Variants in CBR4 observed in about 807,000 individuals in gnomAD.
CBR4 encodes 3-oxoacyl-[acyl-carrier-protein] reductase.
CBR4 carries 22 observed loss-of-function variants against 21.0 expected under a neutral mutation model. The ratio of observed to expected loss-of-function variants is 1.05; its 90% CI spans 0.75 to 1.50. The LOEUF is 1.50. Ranked by LOEUF, CBR4 falls within the 40% of genes most tolerant of loss-of-function variation. CBR4 has a pLI of 0.00. For missense variants in CBR4, 302 were observed against 286.3 expected (o/e 1.05, Z -0.40); for synonymous variants, 100 against 104.4 (o/e 0.96, Z 0.26).
At chr4:168,966,440 TG>T (rs1764034142) in intron 2 of CBR4, among the ~76,000 whole-genome samples, 1 of 145,420 alleles carries the variant, frequency 6.9e-6, no homozygotes, top group African/African-American at 2.6e-5. Flanking sequence ...GGCAGGAGAA[TG>T]GTGTGAACCC....
intron 2 of CBR4, among the ~76,000 whole-genome samples, chr4:168,902,635 C>T (rs555552138): frequency 6.6e-6 from 1 of 152,018 alleles, no homozygotes; most frequent in Non-Finnish European, 1.5e-5. Context: ...GGCAACGGAG[C>T]GAGACCCTGT....
intron 2 of CBR4, among the ~76,000 whole-genome samples, chr4:168,935,359 C>G (rs1430358301): frequency 6.6e-6 from 1 of 152,184 alleles, no homozygotes; most frequent in African/African-American, 2.4e-5. Flanking sequence ...ACTGAGCTAG[C>G]TGCAGGAGTT....
chr4:168,951,351 T>G (rs1187737283), intron 2 of CBR4, among the ~76,000 whole-genome samples: 1 of 152,222 alleles, frequency 6.6e-6, no homozygotes, highest in Non-Finnish European at 1.5e-5. Context: ...CCACTGCACC[T>G]GGCCAGTTCT....
intron 2 of CBR4, among the ~76,000 whole-genome samples, chr4:168,954,243 T>G (rs898916850): frequency 1.3e-5 from 2 of 152,208 alleles, no homozygotes; most frequent in Admixed American, 6.5e-5. Context: ...CTGAAAGACT[T>G]AAGACAATGA....
intron 2 of CBR4, among the ~76,000 whole-genome samples, chr4:168,899,818 G>A (rs1158946639): frequency 2.0e-5 from 3 of 151,964 alleles, no homozygotes; most frequent in African/African-American, 7.3e-5. Context: ...TTGGGAGGCT[G>A]AGGCAGGAGA....
At chr4:168,926,112 T>C (rs1264748748) in intron 2 of CBR4, 6 of 960,504 alleles carry the variant, frequency 6.2e-6, no homozygotes, top group Non-Finnish European at 7.4e-6. Flanking sequence ...TGTGTTCAGG[T>C]GCCTTGCATC....
chr4:169,010,219 T>G lies in CBR4; in HGVS notation c.-130A>C. ...AAAAAAGGCAAACCGCAAAAAAAAATAACGCCGCTCGACACCTCCTGCAGC... is the reference window on the plus strand; with the variant it reads ...AAAAAAGGCAAACCGCAAAAAAAAAGAACGCCGCTCGACACCTCCTGCAGC... On this transcript the variant is annotated 5_prime_UTR_variant, in exon 1 of 5. Coordinates refer to ENST00000306193, the MANE Select transcript of CBR4 (RefSeq NM_032783.5). The G allele has an allele frequency of 1.3e-6, 1 of 779,032 alleles. No individual in the cohort carries two copies. The allele number at this position is 779,032 out of a possible 1,614,324, so 48.3% of individuals were successfully genotyped here.
intron 2 of CBR4, among the ~76,000 whole-genome samples, chr4:168,961,903 G>T (rs1456577027): frequency 6.7e-6 from 1 of 149,012 alleles, no homozygotes; most frequent in African/African-American, 2.5e-5. Flanking sequence ...AAGAAAGGAA[G>T]GGAGAGGGGA....
downstream of CBR4, among the ~76,000 whole-genome samples, chr4:168,983,174 C>T (rs958238504): frequency 2.6e-5 from 4 of 151,966 alleles, no homozygotes. Context: ...GCTAGCTATA[C>T]TAATTTTTTT....
At chr4:168,967,350 C>T (rs1358760369) in intron 2 of CBR4, among the ~76,000 whole-genome samples, 1 of 151,662 alleles carries the variant, frequency 6.6e-6, no homozygotes, top group Non-Finnish European at 1.5e-5. Flanking sequence ...ACATCGGGGC[C>T]TGTCAGGGGG....
chr4:168,924,139 A>C, intron 2 of CBR4: 1 of 853,196 alleles, frequency 1.2e-6, no homozygotes, highest in South Asian at 1.5e-5. Flanking sequence ...TACCACCTGG[A>C]GTAAAAAATG....
At chr4:168,899,836 G>A (rs1756078750) in intron 2 of CBR4, among the ~76,000 whole-genome samples, 2 of 151,624 alleles carry the variant, frequency 1.3e-5, no homozygotes. Context: ...AGAATTGCTG[G>A]AACCCAGGAG....
chr4:168,990,156 A>T lies in CBR4; in HGVS notation c.708T>A (p.Ile236=). ...TAACTGAATAATCTGCAAATTACAA[A>T]ATGAGTTGTAATCCCCCATCCACTA... The part of the protein sequence containing the change: ...VLVVDGGLQL[I]L The change falls in exon 5 of 5, where the codon ATT becomes ATA. Residue 236 remains isoleucine, a synonymous_variant. Transcript: ENST00000306193. The T allele has an allele frequency of 3.8e-6, 6 of 1,592,758 alleles. No individual in the cohort carries two copies. The highest frequency in any genetic ancestry group is 5.1e-6 in the Non-Finnish European group (6 of 1,170,048).
intron 2 of CBR4, chr4:168,898,408 C>A: frequency 1.2e-6 from 1 of 839,224 alleles, no homozygotes; most frequent in South Asian, 1.4e-5. Context: ...TCACTGTCTT[C>A]TAGGGCCTTA....
Position 168,988,592 on chromosome 4 carries a change from A to G in CBR4, c.*1558T>C. ...TTACAAGCATCAACTACTACATTGA[A>G]ACCATTCTGAGTGCTGCATTTCCTA... On this transcript the variant is annotated 3_prime_UTR_variant, in exon 5 of 5. Coordinates refer to ENST00000306193, the MANE Select transcript of CBR4 (RefSeq NM_032783.5). The G allele has an allele frequency of 1.0e-6, 1 of 985,424 alleles. No homozygotes were observed. Among genetic ancestry groups the G allele is most frequent in the Non-Finnish European group, 1.2e-6 (1 of 829,906 alleles). The allele number at this position is 985,424 out of a possible 1,614,324, so 61.0% of individuals were successfully genotyped here.
chr4:168,921,904 C>T (rs1221401533), intron 2 of CBR4, among the ~76,000 whole-genome samples: 1 of 151,970 alleles, frequency 6.6e-6, no homozygotes, highest in Non-Finnish European at 1.5e-5. Flanking sequence ...CCTAGCAAAA[C>T]AGAAACAGAA....
intron 4 of CBR4, among the ~76,000 whole-genome samples, chr4:168,996,852 T>G (rs1765229154): frequency 6.6e-6 from 1 of 152,220 alleles, no homozygotes; most frequent in Admixed American, 6.5e-5. Context: ...TTAAAGGTTA[T>G]GAACCACGTG....
intron 2 of CBR4, among the ~76,000 whole-genome samples, chr4:168,960,200 G>A (rs1352751734): frequency 1.3e-5 from 2 of 152,158 alleles, no homozygotes; most frequent in African/African-American, 2.4e-5. Context: ...GTAAAAGAGG[G>A]TAATTTCTAC....
chr4:169,007,911 T>C (rs996539928), intron 1 of CBR4, among the ~76,000 whole-genome samples, 155 bp from the exon 2 acceptor site: 1 of 152,080 alleles, frequency 6.6e-6, no homozygotes, highest in Non-Finnish European at 1.5e-5. Context: ...TTTCATAGAG[T>C]TGGTCTAATG....
Sources: gnomAD v4.1 joint callset for allele counts (sites outside exome capture counted in the v4.1 genomes callset) on GRCh38, gnomAD v4.1.1 for gene constraint, MANE v1.5 for transcripts, NCBI Gene and HGNC (gene_info 2026-07-23, HGNC 2026-07-21) for gene names.